PPP2R1B: variants seen among roughly 807,000 people sequenced by gnomAD.
PPP2R1B encodes serine/threonine-protein phosphatase 2A 65 kDa regulatory subunit A beta isoform.
PPP2R1B carries 58 observed loss-of-function variants against 72.7 expected under a neutral mutation model. The ratio of observed to expected loss-of-function variants is 0.80; its 90% CI spans 0.65 to 0.99. The LOEUF is 0.99. PPP2R1B is among the 50% of genes least tolerant of loss of function. The pLI is 0.00. For synonymous variants in PPP2R1B, 256 were observed against 264.6 expected, an observed-to-expected ratio of 0.97 and a Z score of 0.32; for missense variants, 695 against 733.6, an observed-to-expected ratio of 0.95 and a Z score of 0.61.
At chr11:111,688,954 TGCATG>T in the PPP2R1B span, among the ~76,000 whole-genome samples, 4 of 152,216 alleles carry the variant, frequency 2.6e-5, no homozygotes, top group Non-Finnish European at 5.9e-5. The surrounding 1 kb of genome is among the most constrained non-coding windows in gnomAD (Gnocchi z 4.2). Flanking sequence ...ATATACAAAC[TGCATG>T]GGAGTATAGG....
intron 15 of PPP2R1B, among the ~76,000 whole-genome samples, chr11:111,731,596 A>G (rs524703): frequency 1 from 152,022 of 152,352 alleles, 75,848 homozygotes; most frequent in Middle Eastern, 1. Flanking sequence ...CATTCCAATT[A>G]AGCCCATGCT....
At chr11:111,716,036 A>G in the PPP2R1B span, among the ~76,000 whole-genome samples, 1 of 152,064 alleles carries the variant, frequency 6.6e-6, no homozygotes, top group African/African-American at 2.4e-5. Flanking sequence ...TCCTGTCCTC[A>G]GGTGATCTGC....
At chr11:111,736,981 T>A (rs1000194257), downstream of PPP2R1B, among the ~76,000 whole-genome samples, 18 of 152,234 alleles carry the variant, frequency 1.2e-4, no homozygotes, top group Admixed American at 1.1e-3. Flanking sequence ...CCACACAGAG[T>A]GGCATCCAAT....
At chr11:111,757,349 AC>A (rs1945161746) in intron 5 of PPP2R1B, among the ~76,000 whole-genome samples, 1 of 152,210 alleles carries the variant, frequency 6.6e-6, no homozygotes, top group African/African-American at 2.4e-5. Flanking sequence ...AATCTTAGAA[AC>A]TGTGTATCAA....
At chr11:111,733,695 G>A (rs76461240), downstream of PPP2R1B, among the ~76,000 whole-genome samples, 427 of 152,302 alleles carry the variant, frequency 2.8e-3, 3 homozygotes, top group African/African-American at 9.8e-3. Flanking sequence ...CATAGCTCCC[G>A]GAGCGCACAG....
At chr11:111,737,162 T>C (rs950631721), downstream of PPP2R1B, among the ~76,000 whole-genome samples, 6 of 152,234 alleles carry the variant, frequency 3.9e-5, no homozygotes, top group African/African-American at 1.4e-4. Flanking sequence ...GTCCTCTGTA[T>C]GGGCCTCGCT....
chr11:111,756,080 G>A (rs1181486767), intron 5 of PPP2R1B, among the ~76,000 whole-genome samples: 1 of 151,620 alleles, frequency 6.6e-6, no homozygotes, highest in African/African-American at 2.4e-5. Flanking sequence ...CGTGGTGGCG[G>A]GTGCCTGTAG....
downstream of PPP2R1B, chr11:111,737,776 A>T: frequency 7.6e-7 from 1 of 1,320,884 alleles, no homozygotes; most frequent in Non-Finnish European, 9.9e-7. Context: ...GGGCCCTGGA[A>T]AGCGCCACCC....
At chr11:111,760,153 G>A (rs7129776) in intron 4 of PPP2R1B, among the ~76,000 whole-genome samples, 13,280 of 152,228 alleles carry the variant, frequency 0.087, 1,898 homozygotes, top group African/African-American at 0.3. Context: ...CCTCACACCT[G>A]TAATCAAAGC....
At position 111,760,958 on chromosome 11, in the gene PPP2R1B, C is replaced by A; in HGVS notation, c.400G>T (p.Val134Phe). The change falls in exon 4 of 15, where the codon GTT becomes TTT. Residue 134 changes from valine (V) to phenylalanine (F), a missense_variant. Coordinates refer to ENST00000527614, the MANE Select transcript of PPP2R1B (RefSeq NM_002716.5). ...GGTACAAAATAAGCTTCCAGAGCAA[C>A]AGGAGTATGCTCCTGGGAGATCTGT... ...LRQISQEHTP[V>F]ALEAYFVPLV... 6.2e-7 allele frequency: 1 copy of A among 1,614,240 alleles called. No individual in the cohort carries two copies. The highest frequency in any genetic ancestry group is 8.5e-7 in the Non-Finnish European group (1 of 1,180,048).
intron 1 of PPP2R1B, chr11:111,765,760 C>T: frequency 2.1e-6 from 1 of 478,348 alleles, no homozygotes; most frequent in Non-Finnish European, 4.1e-6. Flanking sequence ...ATACACTACT[C>T]GTCCAGATTA....
the PPP2R1B span, chr11:111,712,162 A>C: frequency 3.9e-6 from 6 of 1,536,934 alleles, no homozygotes; most frequent in Non-Finnish European, 5.3e-6. Flanking sequence ...GTGTATTTAT[A>C]GAGAAGGTAT....
downstream of PPP2R1B, among the ~76,000 whole-genome samples, chr11:111,723,235 A>G (rs1358711249): frequency 1.3e-5 from 2 of 152,168 alleles, no homozygotes; most frequent in Admixed American, 6.5e-5. Flanking sequence ...TCATCCTCTC[A>G]TTGTATAAAG....
chr11:111,749,530 C>T (rs943023778), intron 10 of PPP2R1B, among the ~76,000 whole-genome samples: 1 of 152,050 alleles, frequency 6.6e-6, no homozygotes. Flanking sequence ...GGTGATCCAC[C>T]CACCTAGGCC....
At chr11:111,747,614 T>C (rs1365283243) in intron 11 of PPP2R1B, among the ~76,000 whole-genome samples, 1 of 152,172 alleles carries the variant, frequency 6.6e-6, no homozygotes, top group Admixed American at 6.5e-5. Flanking sequence ...ACCTAGTGTA[T>C]AGCTGCTGAA....
rs782136332 is a variant in PPP2R1B at position 111,750,130 on chromosome 11, A to C, written c.1338+2029T>G. ...TGGTATACTTTTCAAAGAATCGGAC[A>C]CTTTCAATTTTATAAAACATATAAT... On this transcript the variant is annotated intron_variant, in intron 10 of 14. Coordinates refer to ENST00000527614, the MANE Select transcript of PPP2R1B (RefSeq NM_002716.5). Among the ~76,000 whole-genome samples the C allele has an allele frequency of 7.4e-4, 113 of 152,232 alleles. 2 individuals are homozygous for C. The highest frequency in any genetic ancestry group is 1.6e-4 in the Non-Finnish European group (11 of 68,038).
chr11:111,705,220 G>A, the PPP2R1B span: 3 of 1,378,538 alleles, frequency 2.2e-6, no homozygotes, highest in Non-Finnish European at 2.8e-6. The surrounding 1 kb of genome is among the most constrained non-coding windows in gnomAD (Gnocchi z 4.3). Context: ...TATACACAGG[G>A]TTAGGATTTC....
In PPP2R1B at chr11:111,738,205, C is replaced by T; in HGVS notation, c.*3391G>A. 1 of 985,750 alleles carries T rather than the reference C, an allele frequency of 1.0e-6. No individual in the cohort carries two copies. The highest frequency in any genetic ancestry group is 1.2e-6 in the Non-Finnish European group (1 of 830,164). 61.1% of individuals were successfully genotyped at this position (985,750 alleles called of 1,614,324 possible). On this transcript the variant is annotated 3_prime_UTR_variant, in exon 15 of 15. Transcript: ENST00000527614. ...CCTCAGCTGCTAAACCAGGAGAACA[C>T]TGGGCAACAGGGCCTCTCCCTCTAC...
chr11:111,744,043 G>A (rs1243121324), intron 11 of PPP2R1B, among the ~76,000 whole-genome samples: 3 of 152,150 alleles, frequency 2.0e-5, no homozygotes, highest in Non-Finnish European at 2.9e-5. Context: ...GGAGAGAAGC[G>A]GGGAGGAATT....
Sources: gnomAD v4.1 joint callset for allele counts (sites outside exome capture counted in the v4.1 genomes callset) on GRCh38, gnomAD v4.1.1 for gene constraint, Gnocchi (gnomAD v3.1) non-coding constraint, MANE v1.5 for transcripts, NCBI Gene and HGNC (gene_info 2026-07-23, HGNC 2026-07-21) for gene names.